The following MALRD1 variants were observed in gnomAD, a reference collection of about 807,000 sequenced individuals.
MALRD1 encodes MAM and LDL receptor class A domain containing 1.
A neutral mutation model predicts 242.1 loss-of-function variants in MALRD1; 247 were observed. That is an observed-to-expected ratio of 1.02 (90% CI 0.92 to 1.13). The LOEUF (loss-of-function observed/expected upper bound fraction) is 1.13. Ranked by LOEUF, MALRD1 falls within the 50% of genes most tolerant of loss-of-function variation. The probability of loss-of-function intolerance (pLI) is 0.00; values close to 1 mark genes in which losing one functional copy is unlikely to be tolerated. For missense variants in MALRD1, 2,989 were observed against 2,533.1 expected (o/e 1.18, Z -3.86); for synonymous variants, 995 against 866.6 (o/e 1.15, Z -2.60).
chr10:19,543,459 A>G (rs1360109319), intron 32 of MALRD1, among the ~76,000 whole-genome samples: 5 of 49,664 alleles, frequency 1.0e-4, no homozygotes, highest in Admixed American at 7.6e-4. Flanking sequence ...TTTGAGAGAG[A>G]AATGGGGTCT....
chr10:19,587,888 T>C (rs1236588046), intron 33 of MALRD1, among the ~76,000 whole-genome samples: 1 of 148,768 alleles, frequency 6.7e-6, no homozygotes, highest in Non-Finnish European at 1.5e-5. Flanking sequence ...GAAATGCCAG[T>C]TCCTAAATTC....
chr10:19,245,168 C>T (rs1032262008), intron 18 of MALRD1, among the ~76,000 whole-genome samples: 4 of 152,138 alleles, frequency 2.6e-5, no homozygotes, highest in Non-Finnish European at 5.9e-5. Flanking sequence ...GTCCTAGATT[C>T]CGCATGAGCT....
At chr10:19,534,742 A>G (rs1483036342) in intron 32 of MALRD1, among the ~76,000 whole-genome samples, 1 of 152,212 alleles carries the variant, frequency 6.6e-6, no homozygotes, top group Non-Finnish European at 1.5e-5. Context: ...TCAGTTTGCA[A>G]TTATGAAGAA....
chr10:19,381,275 T>G (rs1226984947), intron 26 of MALRD1, among the ~76,000 whole-genome samples: 2 of 151,370 alleles, frequency 1.3e-5, no homozygotes, highest in Non-Finnish European at 2.9e-5. Context: ...TTCCATGGTG[T>G]ATATGTGCCA....
chr10:19,359,546 G>A (rs10734014), intron 26 of MALRD1, among the ~76,000 whole-genome samples: 83,041 of 151,794 alleles, frequency 0.55, 22,953 homozygotes, highest in Middle Eastern at 0.59. Context: ...ACTCCACTGC[G>A]CACTTCTTCC....
At chr10:19,218,588 T>G (rs1298802988) in intron 18 of MALRD1, among the ~76,000 whole-genome samples, 1 of 152,116 alleles carries the variant, frequency 6.6e-6, no homozygotes, top group Non-Finnish European at 1.5e-5. Flanking sequence ...AGGTGTAAGC[T>G]CAGTCATATA....
At chr10:19,431,820 T>C (rs886568489) in intron 28 of MALRD1, among the ~76,000 whole-genome samples, 2 of 152,358 alleles carry the variant, frequency 1.3e-5, no homozygotes, top group South Asian at 4.1e-4. Flanking sequence ...TTGCATTGAA[T>C]GGTTATCAAC....
intron 36 of MALRD1, among the ~76,000 whole-genome samples, chr10:19,646,285 A>G (rs1336235033): frequency 1.3e-5 from 2 of 152,190 alleles, no homozygotes; most frequent in African/African-American, 4.8e-5. Flanking sequence ...TTGGTTAACC[A>G]ATGACCAAAA....
chr10:19,320,242 C>T (rs1188272379), intron 21 of MALRD1, among the ~76,000 whole-genome samples: 1 of 151,712 alleles, frequency 6.6e-6, no homozygotes, highest in African/African-American at 2.4e-5. Context: ...CGCGACAGGC[C>T]CCAGTGTGTG....
intron 17 of MALRD1, 145 bp downstream of exon 17, chr10:19,205,410 C>A: frequency 1.0e-6 from 1 of 1,000,982 alleles, no homozygotes; most frequent in Non-Finnish European, 1.4e-6. Context: ...ATTAGTCAAG[C>A]CATCAGTATT....
At chr10:19,419,378 T>C (rs1833633504) in intron 28 of MALRD1, among the ~76,000 whole-genome samples, 1 of 152,154 alleles carries the variant, frequency 6.6e-6, no homozygotes. Context: ...CACTGTAACC[T>C]CCACCTCCCG....
intron 14 of MALRD1, among the ~76,000 whole-genome samples, chr10:19,183,511 G>A (rs1186150761): frequency 3.3e-5 from 5 of 152,042 alleles, no homozygotes; most frequent in African/African-American, 1.2e-4. Context: ...TGCTATTCTT[G>A]AATTTCAAAC....
chr10:19,627,626 T>A (rs1325210239), intron 36 of MALRD1, among the ~76,000 whole-genome samples: 1 of 151,354 alleles, frequency 6.6e-6, no homozygotes, highest in Non-Finnish European at 1.5e-5. Context: ...CCAGGCGTGG[T>A]GGCAGGTTCC....
At chr10:19,185,495 A>G (rs1835698110) in intron 14 of MALRD1, among the ~76,000 whole-genome samples, 2 of 152,148 alleles carry the variant, frequency 1.3e-5, no homozygotes, top group Admixed American at 1.3e-4. Flanking sequence ...AGTACAAGGA[A>G]AAGGAGTGAT....
chr10:19,085,464 C>T (rs1053933895), intron 2 of MALRD1, among the ~76,000 whole-genome samples: 1 of 151,916 alleles, frequency 6.6e-6, no homozygotes, highest in African/African-American at 2.4e-5. Context: ...CCACTGGGTG[C>T]ATTTTGAACA....
At position 19,207,284 on chromosome 10, in the gene MALRD1, C is replaced by G. The variant is rs189375039; in HGVS notation, c.2579-1984C>G. 2.7e-3 allele frequency among the ~76,000 whole-genome samples: 418 copies of G among 152,224 alleles called. 3 individuals are homozygous for G. The highest frequency in any genetic ancestry group is 9.7e-3 in the African/African-American group (401 of 41,548). On this transcript the variant is annotated intron_variant, in intron 17 of 39. Transcript: ENST00000454679. ...AAGACTGTCAAATGCCCATTTTATA[C>G]CATTTATTCTACAGTGAATATCATT... is the stretch of plus-strand genomic sequence containing the variant.
chr10:19,281,545 A>G (rs963372912), intron 20 of MALRD1, among the ~76,000 whole-genome samples: 11 of 152,216 alleles, frequency 7.2e-5, no homozygotes, highest in Admixed American at 1.3e-4. Context: ...ACAAATATAA[A>G]TGAATTATTA....
At chr10:19,607,641 T>G in intron 34 of MALRD1, 136 bp from the exon 35 acceptor site, 2 of 1,184,936 alleles carry the variant, frequency 1.7e-6, no homozygotes, top group South Asian at 3.8e-5. Flanking sequence ...CAAAAAGAAC[T>G]GTGTTCTAAA....
chr10:19,463,174 T>G (rs1836030073), intron 29 of MALRD1, among the ~76,000 whole-genome samples: 1 of 152,126 alleles, frequency 6.6e-6, no homozygotes, highest in African/African-American at 2.4e-5. Flanking sequence ...TTTAATTTTA[T>G]TTATTATTTC....
Sources: gnomAD v4.1 joint callset for allele counts (sites outside exome capture counted in the v4.1 genomes callset) on GRCh38, gnomAD v4.1.1 for gene constraint, MANE v1.5 for transcripts, NCBI Gene and HGNC (gene_info 2026-07-23, HGNC 2026-07-21) for gene names.